The following OR6A2 variants were observed in gnomAD, a reference collection of about 807,000 sequenced individuals.
OR6A2 encodes olfactory receptor 6A2.
In OR6A2, 6 loss-of-function variants were observed where a neutral mutation model predicts 7.1. That is an observed-to-expected ratio of 0.85 (90% CI 0.46 to 1.68). OR6A2 has a LOEUF of 1.68. Ranked by LOEUF, OR6A2 falls within the 40% of genes most tolerant of loss-of-function variation. The pLI, the probability that OR6A2 is intolerant of heterozygous loss-of-function variation, is 0.01. For synonymous variants in OR6A2, 162 were observed against 152.1 expected, an observed-to-expected ratio of 1.06 and a Z score of -0.48; for missense variants, 431 against 398.0, an observed-to-expected ratio of 1.08 and a Z score of -0.71.
At position 6,794,668 on chromosome 11, in the gene OR6A2, C is replaced by G. The variant is rs1206548575; in HGVS notation, c.*57G>C. 6.3e-6 allele frequency: 10 copies of G among 1,577,364 alleles called. No homozygotes were observed. The East Asian group carries it at 2.2e-4, about 35-fold the overall frequency. On this transcript the variant is annotated 3_prime_UTR_variant, in exon 2 of 2. Transcript: ENST00000641196. Reference sequence around the variant, plus strand: ...AGGCCCTAAGAACTCCACTGGACTTCATAGAACACATTGATCCCAAGTTTA... The same window carrying G: ...AGGCCCTAAGAACTCCACTGGACTTGATAGAACACATTGATCCCAAGTTTA...
intron 1 of OR6A2, 34 bp from the exon 2 acceptor site, chr11:6,795,918 T>C: frequency 5.5e-6 from 3 of 548,916 alleles, no homozygotes; most frequent in South Asian, 5.5e-5. Flanking sequence ...ATGTTTTTTT[T>C]TTTTTGGAAA....
rs868661073 is a variant in OR6A2, at chr11:6,794,713, C to G, written c.*12G>C. 7.5e-6 allele frequency: 12 copies of G among 1,608,594 alleles called. No homozygotes were observed. Among genetic ancestry groups the G allele is most frequent in the Admixed American group, 1.7e-5 (1 of 59,714 alleles). On this transcript the variant is annotated 3_prime_UTR_variant, in exon 2 of 2. Coordinates refer to ENST00000641196, the MANE Select transcript of OR6A2 (RefSeq NM_003696.3). ...AGTTTAATAGCATTTTATCAGATTT[C>G]ACACATCCCTTCTATACATTTCTGC... is the stretch of plus-strand genomic sequence containing the variant.
In OR6A2 at chr11:6,795,575, A is replaced by T; in HGVS notation, c.134T>A (p.Leu45His). The T allele has an allele frequency of 6.2e-7, 1 of 1,614,078 alleles. No individual in the cohort carries two copies. The highest frequency in any genetic ancestry group is 8.5e-7 in the Non-Finnish European group (1 of 1,179,994). ...ATGGTTCCTAATTGCCATAATGATG[A>T]GTGTGTTCTCAGTCAGCACCAACAC... ...AYVLVLTENT[L>H]IIMAIRNHST... Residue 45 changes from leucine (L) to histidine (H), a missense_variant, in exon 2 of 2, where the codon CTC (leucine) becomes CAC (histidine). Transcript: ENST00000641196.
At chr11:6,796,253 T>C (rs1589999004) in intron 1 of OR6A2, among the ~76,000 whole-genome samples, 1 of 152,192 alleles carries the variant, frequency 6.6e-6, no homozygotes, top group East Asian at 1.9e-4. Flanking sequence ...GGGCTAGTAC[T>C]ACTAATAGCT....
intron 1 of OR6A2, among the ~76,000 whole-genome samples, chr11:6,796,532 C>T (rs1397297174): frequency 1.3e-5 from 2 of 152,142 alleles, no homozygotes; most frequent in African/African-American, 4.8e-5. Context: ...GAGTGGAAGT[C>T]TGCAGAACCC....
In OR6A2 at chr11:6,795,214, A is replaced by C. The variant is rs745662406; in HGVS notation, c.495T>G (p.Val165=). ...AGTAAGAGAGGCCAGAAATAAGAAA[A>C]ACTTTGACCATGGAGATGCCAAAAC... ...AGGFGISMVK[V]FLISGLSYCG... Residue 165 remains valine, a synonymous_variant, in exon 2 of 2, where the codon GTT becomes GTG. Coordinates refer to ENST00000641196, the MANE Select transcript of OR6A2 (RefSeq NM_003696.3). 11 of 1,613,932 alleles carry C rather than the reference A, an allele frequency of 6.8e-6. No homozygotes were observed. In the East Asian group the frequency reaches 2.5e-4, roughly 36 times the overall value.
rs1264812924 is a variant in OR6A2 at position 6,794,686 on chromosome 11, C to G, written c.*39G>C. On this transcript the variant is annotated 3_prime_UTR_variant, in exon 2 of 2. Transcript: ENST00000641196. ...TGGACTTCATAGAACACATTGATCC[C>G]AAGTTTAATAGCATTTTATCAGATT... 1.9e-6 allele frequency: 3 copies of G among 1,590,846 alleles called. No individual in the cohort carries two copies. Among genetic ancestry groups the G allele is most frequent in the Non-Finnish European group, 2.6e-6 (3 of 1,167,300 alleles).
Position 6,795,371 on chromosome 11 carries a change from C to A in OR6A2, c.338G>T (p.Gly113Val). ...MTQLYFFLGLGCTECVLLAVM... is the reference protein window; with the variant it reads ...MTQLYFFLGLVCTECVLLAVM... ...AGCGAGAAGGACACACTCAGTGCAG[C>A]CCAAGCCAAGGAAAAAGTAGAGCTG... The change falls in exon 2 of 2, where the codon GGC (glycine) becomes GTC (valine). Residue 113 changes from glycine (G) to valine (V), a missense_variant. Transcript: ENST00000641196. The A allele has an allele frequency of 1.9e-6, 3 of 1,614,026 alleles. No individual in the cohort carries two copies. The highest frequency in any genetic ancestry group is 2.5e-6 in the Non-Finnish European group (3 of 1,179,992).
chr11:6,796,554 G>A (rs1847750968), intron 1 of OR6A2, among the ~76,000 whole-genome samples: 1 of 152,148 alleles, frequency 6.6e-6, no homozygotes, highest in Non-Finnish European at 1.5e-5. Context: ...GTACTTACAA[G>A]GAAGACATGA....
intron 1 of OR6A2, among the ~76,000 whole-genome samples, chr11:6,797,076 T>A (rs935054438): frequency 6.6e-6 from 1 of 152,234 alleles, no homozygotes; most frequent in Non-Finnish European, 1.5e-5. Context: ...TATGCTCTGC[T>A]ATCATTACTT....
rs575202323 is a variant in OR6A2, at chr11:6,794,356, C to T, written c.*369G>A. ...TCTTATCTCCTTGCCTTGTAACACA[C>T]GCTAGAATGATATCTCCTGGGCCTC... On this transcript the variant is annotated 3_prime_UTR_variant, in exon 2 of 2. Transcript: ENST00000641196. 7 of 195,892 alleles carry T rather than the reference C, an allele frequency of 3.6e-5. No homozygotes were observed. The highest frequency in any genetic ancestry group is 2.0e-3 in the Middle Eastern group (1 of 496). 12.1% of individuals were successfully genotyped at this position (195,892 alleles called of 1,614,324 possible). A position where few individuals can be genotyped will look rare whatever the true frequency, so the allele number is the denominator to read the frequency against.
chr11:6,792,964 T>C lies in OR6A2; in HGVS notation c.*1761A>G, dbSNP rs1332325709. ...CTTGAAATCAGAATTAGAGGTGTTT[T>C]AAAGCATTGGAAAATAAAAGAAAAG... On this transcript the variant is annotated 3_prime_UTR_variant, in exon 2 of 2. Transcript: ENST00000641196. 5 of 152,178 alleles carry C rather than the reference T, an allele frequency of 3.3e-5. No homozygotes were observed. Among genetic ancestry groups the C allele is most frequent in the Non-Finnish European group, 7.3e-5 (5 of 68,028 alleles). The allele number at this position is 152,178 out of a possible 1,614,324, so 9.4% of individuals were successfully genotyped here. A position where few individuals can be genotyped will look rare whatever the true frequency, so the allele number is the denominator to read the frequency against.
In OR6A2 at chr11:6,795,858, T is replaced by C. The variant is rs187439293; in HGVS notation, c.-150A>G. Reference sequence around the variant, plus strand: ...TAATTAATCACTGAGCTGAGGCCACTGCTCTCTTCTTTAATCTGGAAATGA... The same window carrying C: ...TAATTAATCACTGAGCTGAGGCCACCGCTCTCTTCTTTAATCTGGAAATGA... On this transcript the variant is annotated 5_prime_UTR_variant, in exon 2 of 2. Transcript: ENST00000641196. 2 of 645,874 alleles carry C rather than the reference T, an allele frequency of 3.1e-6. No homozygotes were observed. Among genetic ancestry groups the C allele is most frequent in the Admixed American group, 2.9e-5 (1 of 34,256 alleles). 40.0% of individuals were successfully genotyped at this position (645,874 alleles called of 1,614,324 possible).
chr11:6,797,119 C>T (rs979939877), intron 1 of OR6A2, among the ~76,000 whole-genome samples: 2 of 152,194 alleles, frequency 1.3e-5, no homozygotes, highest in Non-Finnish European at 2.9e-5. Context: ...CCTTGAATTT[C>T]TCTTAATACT....
rs201710284 is a variant in OR6A2 at position 6,795,755 on chromosome 11, C to A, written c.-47G>T. On this transcript the variant is annotated 5_prime_UTR_variant, in exon 2 of 2. Transcript: ENST00000641196. ...TCTTCAGGAGATGAGAGTAGAGAGT[C>A]TTCAGTAGGCCACAACAAGAACCCA... The A allele has an allele frequency of 4.6e-5, 72 of 1,571,860 alleles. No individual in the cohort carries two copies. Among genetic ancestry groups the A allele is most frequent in the Non-Finnish European group, 5.7e-5 (65 of 1,148,374 alleles).
intron 1 of OR6A2, among the ~76,000 whole-genome samples, chr11:6,797,220 A>C (rs1411402148): frequency 2.6e-5 from 4 of 152,134 alleles, no homozygotes; most frequent in African/African-American, 9.7e-5. Context: ...ATTTATTTCA[A>C]AATTGATGGT....
rs1468406365 is a variant in OR6A2, at chr11:6,792,304, A to G, written c.*2421T>C. On this transcript the variant is annotated 3_prime_UTR_variant, in exon 2 of 2. Transcript: ENST00000641196. ...CACCTGTACAAGGTTTGTAGTGGAC[A>G]AAAAATTAAAATAAGGACAAAAAGG... 1 of 152,354 alleles carries G rather than the reference A, an allele frequency of 6.6e-6. No homozygotes were observed. Among genetic ancestry groups the G allele is most frequent in the South Asian group, 2.1e-4 (1 of 4,830 alleles). The allele number at this position is 152,354 out of a possible 1,614,324, so 9.4% of individuals were successfully genotyped here.
intron 1 of OR6A2, among the ~76,000 whole-genome samples, chr11:6,797,955 G>C (rs919187473): frequency 6.6e-6 from 1 of 151,944 alleles, no homozygotes; most frequent in African/African-American, 2.4e-5. Flanking sequence ...GAGACATTAG[G>C]TACTTTTTTT....
intron 1 of OR6A2, among the ~76,000 whole-genome samples, chr11:6,798,596 A>G (rs891863277): frequency 2.0e-5 from 3 of 152,226 alleles, no homozygotes; most frequent in African/African-American, 7.2e-5. Flanking sequence ...GTTTTTGAGA[A>G]CACATACAAA....
Sources: allele counts gnomAD v4.1 joint callset (sites outside exome capture counted in the v4.1 genomes callset), GRCh38; gene constraint gnomAD v4.1.1; transcripts MANE v1.5; gene names NCBI Gene and HGNC (gene_info 2026-07-23, HGNC 2026-07-21).